PABPC4L: variants seen among roughly 807,000 people sequenced by gnomAD.
PABPC4L encodes the protein poly(A) binding protein cytoplasmic 4 like.
For synonymous variants in PABPC4L, 169 were observed against 164.1 expected (o/e 1.03, Z -0.23); for missense variants, 452 against 451.4 (o/e 1.00, Z -0.01).
chr4:134,036,853 C>T, the PABPC4L span, among the ~76,000 whole-genome samples: 433 of 151,794 alleles, frequency 2.9e-3, no homozygotes, highest in African/African-American at 5.8e-3. Flanking sequence ...GTCAGGAGTT[C>T]GAGACCAGCC....
At chr4:134,142,957 T>G in the PABPC4L span, among the ~76,000 whole-genome samples, 1 of 151,638 alleles carries the variant, frequency 6.6e-6, no homozygotes, top group Admixed American at 6.6e-5. Context: ...ATATGGGGCC[T>G]TGTCTAGTCT....
chr4:134,144,730 A>T, the PABPC4L span, among the ~76,000 whole-genome samples: 3 of 151,850 alleles, frequency 2.0e-5, no homozygotes, highest in South Asian at 4.1e-4. Context: ...ATTTGCCTTT[A>T]GATCTATTTT....
At chr4:134,152,601 C>G in the PABPC4L span, among the ~76,000 whole-genome samples, 1 of 152,130 alleles carries the variant, frequency 6.6e-6, no homozygotes, top group Non-Finnish European at 1.5e-5. Context: ...ATGTGGAAGA[C>G]AGAGGGGCTT....
the PABPC4L span, among the ~76,000 whole-genome samples, chr4:134,134,718 AT>A: frequency 6.7e-6 from 1 of 149,464 alleles, no homozygotes; most frequent in East Asian, 1.9e-4. Flanking sequence ...TGTAAAACTT[AT>A]TTAATATATT....
chr4:133,985,666 C>T, the PABPC4L span, among the ~76,000 whole-genome samples: 1 of 151,792 alleles, frequency 6.6e-6, no homozygotes. Flanking sequence ...ATAGATAAAA[C>T]AAAAAATTGA....
chr4:134,173,917 T>C, the PABPC4L span, among the ~76,000 whole-genome samples: 1 of 152,106 alleles, frequency 6.6e-6, no homozygotes. Context: ...CTTTTTTACT[T>C]TTAAACTTTT....
chr4:133,971,218 T>A, the PABPC4L span, among the ~76,000 whole-genome samples: 1 of 149,678 alleles, frequency 6.7e-6, no homozygotes, highest in African/African-American at 2.5e-5. Flanking sequence ...GTTCACGCAT[T>A]CTACTGCCTC....
the PABPC4L span, among the ~76,000 whole-genome samples, chr4:134,103,311 T>C: frequency 6.6e-6 from 1 of 151,644 alleles, no homozygotes; most frequent in African/African-American, 2.4e-5. Context: ...TGTACTTGTT[T>C]TCTAAGGTTG....
the PABPC4L span, among the ~76,000 whole-genome samples, chr4:134,032,078 A>G: frequency 6.6e-6 from 1 of 151,764 alleles, no homozygotes; most frequent in South Asian, 2.1e-4. Context: ...ATAAGATGAC[A>G]ATATCTTCTT....
chr4:134,172,187 C>CA, the PABPC4L span, among the ~76,000 whole-genome samples: 65 of 151,536 alleles, frequency 4.3e-4, no homozygotes, highest in African/African-American at 1.2e-3. Context: ...CACATGGAAC[C>CA]AAAAAAAACT....
At chr4:134,095,476 A>C in the PABPC4L span, among the ~76,000 whole-genome samples, 1 of 152,138 alleles carries the variant, frequency 6.6e-6, no homozygotes, top group Non-Finnish European at 1.5e-5. Context: ...AAAATAAATT[A>C]GTGATATTCA....
At chr4:133,976,119 C>G in the PABPC4L span, among the ~76,000 whole-genome samples, 1 of 152,076 alleles carries the variant, frequency 6.6e-6, no homozygotes, top group South Asian at 2.1e-4. Flanking sequence ...CCACCTTCCC[C>G]CAACAGAGCC....
At chr4:134,092,032 C>T in the PABPC4L span, among the ~76,000 whole-genome samples, 2 of 151,996 alleles carry the variant, frequency 1.3e-5, no homozygotes, top group East Asian at 3.9e-4. Flanking sequence ...TCTTCATTTT[C>T]AATGCTCTGG....
chr4:134,026,653 C>A, the PABPC4L span, among the ~76,000 whole-genome samples: 3 of 151,962 alleles, frequency 2.0e-5, no homozygotes, highest in Non-Finnish European at 4.4e-5. Context: ...GACGTCGTAA[C>A]CCCAAACATC....
At chr4:134,049,897 A>C in the PABPC4L span, among the ~76,000 whole-genome samples, 1 of 152,184 alleles carries the variant, frequency 6.6e-6, no homozygotes, top group Admixed American at 6.5e-5. Flanking sequence ...GTAAAATACA[A>C]GAATCTCATC....
the PABPC4L span, among the ~76,000 whole-genome samples, chr4:133,996,806 T>A: frequency 1.3e-5 from 2 of 152,148 alleles, no homozygotes; most frequent in African/African-American, 4.8e-5. Context: ...GTACAGATTA[T>A]TTAGTACAGA....
chr4:134,164,784 C>T, the PABPC4L span, among the ~76,000 whole-genome samples: 1 of 151,962 alleles, frequency 6.6e-6, no homozygotes, highest in Non-Finnish European at 1.5e-5. Context: ...AGCTAAAATT[C>T]ATATGGATCA....
the PABPC4L span, among the ~76,000 whole-genome samples, chr4:134,145,454 C>A: frequency 6.6e-6 from 1 of 152,006 alleles, no homozygotes. Flanking sequence ...CCCCTTCCCA[C>A]ACACAGACAA....
the PABPC4L span, among the ~76,000 whole-genome samples, chr4:133,957,554 C>T: frequency 2.0e-5 from 3 of 152,168 alleles, no homozygotes; most frequent in Non-Finnish European, 2.9e-5. Context: ...GACAGTGGCC[C>T]TCTTCTTACA....
Sources: allele counts gnomAD v4.1 joint callset (sites outside exome capture counted in the v4.1 genomes callset), GRCh38; gene constraint gnomAD v4.1.1; transcripts MANE v1.5; gene names NCBI Gene and HGNC (gene_info 2026-07-23, HGNC 2026-07-21).